The following HAVCR1 variants were observed in gnomAD, a reference collection of about 807,000 sequenced individuals.
HAVCR1 encodes hepatitis A virus cellular receptor 1.
A neutral mutation model predicts 32.0 loss-of-function variants in HAVCR1; 34 were observed. The ratio of observed to expected loss-of-function variants is 1.06; its 90% CI spans 0.81 to 1.42. The LOEUF is 1.42. Among genes scored for constraint, HAVCR1 ranks in the 40% most tolerant of loss-of-function variants. HAVCR1 has a pLI of 0.00. For missense variants in HAVCR1, 420 were observed against 442.3 expected, an observed-to-expected ratio of 0.95 and a Z score of 0.45; for synonymous variants, 178 against 170.3, an observed-to-expected ratio of 1.05 and a Z score of -0.35.
chr5:157,044,676 AG>A (rs1554090593), intron 5 of HAVCR1, among the ~76,000 whole-genome samples: 4 of 109,438 alleles, frequency 3.7e-5, no homozygotes, highest in East Asian at 3.5e-4. Context: ...AAAGAAAGAA[AG>A]GAGGGAGGGA....
chr5:157,065,878 A>T, the HAVCR1 span, among the ~76,000 whole-genome samples: 7 of 150,106 alleles, frequency 4.7e-5, no homozygotes, highest in African/African-American at 1.7e-4. Context: ...AATTAATTTT[A>T]AAAAAATTTG....
At chr5:157,044,437 A>AAGAAAGAAAGAGAGAG (rs1561590076) in intron 5 of HAVCR1, among the ~76,000 whole-genome samples, 2 of 40,358 alleles carry the variant, frequency 5.0e-5, no homozygotes, top group African/African-American at 2.5e-4. Flanking sequence ...GAAAGAAAGA[A>AAGAAAGAAAGAGAGAG]AGAAAGAAAG....
intron 4 of HAVCR1, among the ~76,000 whole-genome samples, chr5:157,049,566 G>C (rs1025857550): frequency 2.0e-5 from 3 of 152,134 alleles, no homozygotes; most frequent in Admixed American, 1.3e-4. Flanking sequence ...GAAAATGGGG[G>C]CTTAGGAATT....
chr5:157,058,971 C>T lies in HAVCR1; in HGVS notation c.-63G>A, dbSNP rs947750492. ...CAATGCTGGGTAACCCTGAGAGTTC[C>T]TGAGTTCTCTTCAAACCTCTATTTC... On this transcript the variant is annotated 5_prime_UTR_variant, in exon 1 of 9. Transcript: ENST00000523175. 3 of 152,164 alleles carry T rather than the reference C, an allele frequency of 2.0e-5. 1 individual carries two copies. The highest frequency in any genetic ancestry group is 2.0e-4 in the Admixed American group (3 of 15,272). The allele number at this position is 152,164 out of a possible 1,614,324, so 9.4% of individuals were successfully genotyped here. A position where few individuals can be genotyped will look rare whatever the true frequency, so the allele number is the denominator to read the frequency against.
chr5:157,066,748 A>C, the HAVCR1 span, among the ~76,000 whole-genome samples: 1 of 152,026 alleles, frequency 6.6e-6, no homozygotes, highest in Non-Finnish European at 1.5e-5. Flanking sequence ...GTCTGGGGAA[A>C]CTCCAGGTTG....
intron 2 of HAVCR1, 83 bp downstream of exon 2, chr5:157,057,815 C>A: frequency 1.0e-6 from 1 of 954,746 alleles, no homozygotes; most frequent in South Asian, 1.3e-5. Context: ...CCACCACCAT[C>A]CCCTCCCCTT....
At chr5:157,057,395 GAAA>G (rs1561605957) in intron 2 of HAVCR1, among the ~76,000 whole-genome samples, 323 of 11,522 alleles carry the variant, frequency 0.028, 1 homozygote, top group African/African-American at 0.053. Context: ...AGGAAAGAAA[GAAA>G]GAAAGAAAGA....
At chr5:157,034,034 A>G (rs917804393) in intron 7 of HAVCR1, among the ~76,000 whole-genome samples, 2 of 152,176 alleles carry the variant, frequency 1.3e-5, no homozygotes, top group Admixed American at 6.5e-5. Context: ...ACCTGTGGGT[A>G]TTTCTCATCA....
intron 5 of HAVCR1, among the ~76,000 whole-genome samples, chr5:157,046,841 G>A (rs1755426468): frequency 1.3e-5 from 2 of 152,050 alleles, no homozygotes; most frequent in South Asian, 4.2e-4. Flanking sequence ...CCTTTTATAA[G>A]AGCATTGATT....
intron 5 of HAVCR1, among the ~76,000 whole-genome samples, chr5:157,044,953 G>A (rs1387206006): frequency 6.6e-6 from 1 of 151,970 alleles, no homozygotes; most frequent in Non-Finnish European, 1.5e-5. Flanking sequence ...ATATAAAGGG[G>A]TGTGTGTTTA....
At chr5:157,042,087 AT>A (rs56136188) in intron 6 of HAVCR1, among the ~76,000 whole-genome samples, 83,320 of 151,740 alleles carry the variant, frequency 0.55, 23,319 homozygotes, top group East Asian at 0.83. Context: ...TTCTTCCCCT[AT>A]TTTCTCCCAA....
intron 5 of HAVCR1, among the ~76,000 whole-genome samples, chr5:157,047,938 G>A (rs1169562408): frequency 6.6e-6 from 1 of 152,128 alleles, no homozygotes; most frequent in African/African-American, 2.4e-5. Flanking sequence ...GGTAGACAGT[G>A]TAAGAACTGA....
rs752467194 is a variant in HAVCR1 at position 157,029,495 on chromosome 5, T to C, written c.*238A>G. On this transcript the variant is annotated 3_prime_UTR_variant, in exon 9 of 9. Coordinates refer to ENST00000523175, the MANE Select transcript of HAVCR1 (RefSeq NM_001173393.3). ...GTTCATATTTGAGAGAAAACTGCAA[T>C]GATCAGAAGGATTGAGCCAGTTTTA... is the stretch of plus-strand genomic sequence containing the variant. 28 of 886,482 alleles carry C rather than the reference T, an allele frequency of 3.2e-5. No individual in the cohort carries two copies. The highest frequency in any genetic ancestry group is 4.7e-5 in the Non-Finnish European group (27 of 575,842). The allele number at this position is 886,482 out of a possible 1,614,324, so 54.9% of individuals were successfully genotyped here. A position where few individuals can be genotyped will look rare whatever the true frequency, so the allele number is the denominator to read the frequency against.
chr5:157,044,837 C>T (rs898369658), intron 5 of HAVCR1, among the ~76,000 whole-genome samples: 1 of 33,962 alleles, frequency 2.9e-5, no homozygotes, highest in East Asian at 6.9e-3. Flanking sequence ...ACAGCACGGA[C>T]CGGAGTCAAT....
At position 157,057,415 on chromosome 5, in the gene HAVCR1, G is replaced by T. The variant is rs573318483; in HGVS notation, c.46+483C>A. ...AGAAAGAAAGAAAGAAAGAAAGAAA[G>T]AAAGAAAGAAAGAAAGAAAGAAAGA... On this transcript the variant is annotated intron_variant, in intron 2 of 8. Transcript: ENST00000523175. Among the ~76,000 whole-genome samples, 172 of 130,898 alleles carry T rather than the reference G, an allele frequency of 1.3e-3. 1 individual carries two copies. The highest frequency in any genetic ancestry group is 4.1e-3 in the African/African-American group (149 of 36,316). The allele number at this position is 130,898 out of a possible 152,430, so 85.9% of individuals were successfully genotyped here. A position where few individuals can be genotyped will look rare whatever the true frequency, so the allele number is the denominator to read the frequency against.
intron 7 of HAVCR1, among the ~76,000 whole-genome samples, chr5:157,034,125 C>T (rs1051889870): frequency 1.3e-5 from 2 of 152,080 alleles, no homozygotes; most frequent in Non-Finnish European, 2.9e-5. Context: ...GGGACCGGCG[C>T]TCAGCATACG....
upstream of HAVCR1, among the ~76,000 whole-genome samples, chr5:157,059,662 CA>C (rs1227916879): frequency 6.6e-6 from 1 of 152,046 alleles, no homozygotes; most frequent in African/African-American, 2.4e-5. Flanking sequence ...ACAACAAGAA[CA>C]AAACTCCATC....
upstream of HAVCR1, among the ~76,000 whole-genome samples, chr5:157,063,432 T>C (rs548322044): frequency 2.0e-5 from 3 of 151,986 alleles, no homozygotes; most frequent in African/African-American, 7.2e-5. Flanking sequence ...ATTACAGGCA[T>C]GCATCACCAC....
At chr5:157,054,208 A>G (rs1052517347) in intron 3 of HAVCR1, among the ~76,000 whole-genome samples, 1 of 151,204 alleles carries the variant, frequency 6.6e-6, no homozygotes, top group Non-Finnish European at 1.5e-5. Context: ...AAAAAAAAAA[A>G]AAAAACAAAG....
Sources: allele counts gnomAD v4.1 joint callset (sites outside exome capture counted in the v4.1 genomes callset), GRCh38; gene constraint gnomAD v4.1.1; transcripts MANE v1.5; gene names NCBI Gene and HGNC (gene_info 2026-07-23, HGNC 2026-07-21).